XIRP2: variants seen among roughly 807,000 people sequenced by gnomAD.
The protein encoded by XIRP2 is xin actin binding repeat containing 2, also known as xin actin-binding repeat-containing protein 2.
In XIRP2, 236 loss-of-function variants were observed where a neutral mutation model predicts 277.0. The ratio of observed to expected loss-of-function variants is 0.85; its 90% confidence interval spans 0.77 to 0.95. The LOEUF (loss-of-function observed/expected upper bound fraction) is 0.95, where lower values mean the gene tolerates loss of function less well. Among genes scored for constraint, XIRP2 ranks in the 40% least tolerant of loss-of-function variants. The probability of loss-of-function intolerance (pLI) is 0.00; values close to 1 mark genes in which losing one functional copy is unlikely to be tolerated. For synonymous variants in XIRP2, 1,490 were observed against 1,416.5 expected, an observed-to-expected ratio of 1.05 and a Z score of -1.17; for missense variants, 4,640 against 4,157.5, an observed-to-expected ratio of 1.12 and a Z score of -3.19.
chr2:167,005,116 G>C (rs1162124584), intron 2 of XIRP2, among the ~76,000 whole-genome samples: 1 of 151,758 alleles, frequency 6.6e-6, no homozygotes, highest in Non-Finnish European at 1.5e-5. Flanking sequence ...CATACCTCTG[G>C]CATGATGCAT....
chr2:167,101,356 G>T (rs766121231), intron 2 of XIRP2, among the ~76,000 whole-genome samples: 42 of 152,120 alleles, frequency 2.8e-4, no homozygotes, highest in Non-Finnish European at 4.9e-4. Flanking sequence ...GGGGCAACAG[G>T]TGGTGTTTGG....
At chr2:167,066,265 C>A (rs559082461) in intron 2 of XIRP2, among the ~76,000 whole-genome samples, 1 of 151,904 alleles carries the variant, frequency 6.6e-6, no homozygotes, top group South Asian at 2.1e-4. Flanking sequence ...AACCACCATT[C>A]TAGTTGCTGC....
intron 2 of XIRP2, among the ~76,000 whole-genome samples, chr2:166,988,203 C>A (rs915329464): frequency 2.0e-5 from 3 of 152,146 alleles, no homozygotes; most frequent in African/African-American, 7.2e-5. Context: ...TCTAACATTA[C>A]CTCTGTTGTA....
rs1469865651 is a variant in XIRP2, at chr2:167,201,252, AAGAAAGAAAG to A, written c.563-9479_563-9470del. ...AAAGAAAGAAAGAAAGAAAGAAAGA[AAGAAAGAAAG>A]AGAGAGGGAGAAAGGAAAGAAGGAA... On this transcript the variant is annotated intron_variant, in intron 3 of 10. Coordinates refer to ENST00000409195, the MANE Select transcript of XIRP2 (RefSeq NM_152381.6). Among the ~76,000 whole-genome samples the A allele has an allele frequency of 1.7e-3, 125 of 71,760 alleles. 1 individual carries two copies. The highest frequency in any genetic ancestry group is 9.8e-3 in the African/African-American group (105 of 10,700). 47.1% of individuals were successfully genotyped at this position (71,760 alleles called of 152,430 possible).
chr2:166,892,433 G>A (rs773434886), intron 1 of XIRP2, among the ~76,000 whole-genome samples: 25 of 152,088 alleles, frequency 1.6e-4, no homozygotes, highest in Non-Finnish European at 2.8e-4. Context: ...CATGAAAAAA[G>A]TCAATTGCTT....
chr2:167,249,210 T>C lies in XIRP2; in HGVS notation c.7818T>C (p.Thr2606=), dbSNP rs747899039. The C allele has an allele frequency of 6.2e-7, 1 of 1,613,688 alleles. No homozygotes were observed. The highest frequency in any genetic ancestry group is 1.1e-5 in the South Asian group (1 of 91,072). The change falls in exon 9 of 11, where the codon ACT becomes ACC. Residue 2606 remains threonine, a synonymous_variant. Coordinates refer to ENST00000409195, the MANE Select transcript of XIRP2 (RefSeq NM_152381.6). The part of the protein sequence containing the change: ...VSLSGIDSEC[T]VVQPSPGSQS... ...TATCTGGAATTGATTCAGAATGCACTGTGGTTCAACCCAGCCCAGGCTCTC... is the reference window on the plus strand; with the variant it reads ...TATCTGGAATTGATTCAGAATGCACCGTGGTTCAACCCAGCCCAGGCTCTC...
intron 2 of XIRP2, among the ~76,000 whole-genome samples, chr2:167,081,973 T>A (rs1689749838): frequency 6.6e-6 from 1 of 152,000 alleles, no homozygotes; most frequent in Non-Finnish European, 1.5e-5. Flanking sequence ...TACTTTAAGT[T>A]TTAGGGTACA....
intron 2 of XIRP2, among the ~76,000 whole-genome samples, chr2:166,928,366 GT>G (rs1685243222): frequency 6.6e-6 from 1 of 152,074 alleles, no homozygotes. Flanking sequence ...AAGAATTTGG[GT>G]TATACCACAT....
At position 167,256,101 on chromosome 2, in the gene XIRP2, T is replaced by C. The variant is rs188387583; in HGVS notation, c.*40-1756T>C. 4.6e-5 allele frequency among the ~76,000 whole-genome samples: 7 copies of C among 151,880 alleles called. 1 individual carries two copies. The East Asian group carries it at 1.4e-3, about 30-fold the overall frequency. On this transcript the variant is annotated intron_variant, in intron 10 of 10. Transcript: ENST00000409195. ...GATTAGTTCTTGGCATTGGTCATTCTTCACTAGTGTCAGTTACCCAGTGTG... is the reference window on the plus strand; with the variant it reads ...GATTAGTTCTTGGCATTGGTCATTCCTCACTAGTGTCAGTTACCCAGTGTG...
intron 2 of XIRP2, among the ~76,000 whole-genome samples, chr2:166,948,580 A>G (rs949747893): frequency 2.0e-5 from 3 of 152,088 alleles, no homozygotes; most frequent in African/African-American, 7.2e-5. Context: ...CATTTCACAG[A>G]TAATGGTACT....
At chr2:167,159,703 TACTC>T (rs965618856) in intron 3 of XIRP2, among the ~76,000 whole-genome samples, 4 of 152,172 alleles carry the variant, frequency 2.6e-5, no homozygotes, top group African/African-American at 7.2e-5. Context: ...AAAAGGAACT[TACTC>T]ATATATTACA....
intron 2 of XIRP2, among the ~76,000 whole-genome samples, chr2:166,977,795 A>G (rs2105428761): frequency 6.6e-6 from 1 of 152,310 alleles, no homozygotes; most frequent in African/African-American, 2.4e-5. Context: ...GACCTGGTAC[A>G]GAAGATAGCA....
chr2:167,180,602 C>T (rs1692984269), intron 3 of XIRP2, among the ~76,000 whole-genome samples: 1 of 152,174 alleles, frequency 6.6e-6, no homozygotes, highest in Non-Finnish European at 1.5e-5. Context: ...TTCATAGAAG[C>T]TTCTCTCCCT....
chr2:167,259,532 T>A lies in XIRP2; in HGVS notation c.*1715T>A. ...ATTTCTTGTATTACACCTTGTCATT[T>A]TTTTCACAATTTATTTACATCTACT... On this transcript the variant is annotated 3_prime_UTR_variant, in exon 11 of 11. Coordinates refer to ENST00000409195, the MANE Select transcript of XIRP2 (RefSeq NM_152381.6). 1 of 589,106 alleles carries A rather than the reference T, an allele frequency of 1.7e-6. No individual in the cohort carries two copies. The highest frequency in any genetic ancestry group is 2.8e-6 in the Non-Finnish European group (1 of 359,716). The allele number at this position is 589,106 out of a possible 1,614,324, so 36.5% of individuals were successfully genotyped here. A position where few individuals can be genotyped will look rare whatever the true frequency, so the allele number is the denominator to read the frequency against.
At chr2:166,893,221 A>T (rs1684153747) in intron 1 of XIRP2, among the ~76,000 whole-genome samples, 1 of 152,004 alleles carries the variant, frequency 6.6e-6, no homozygotes, top group Non-Finnish European at 1.5e-5. Context: ...ATTCCAGAAA[A>T]ATCCATAATT....
chr2:167,146,140 T>C (rs189662870), intron 3 of XIRP2, among the ~76,000 whole-genome samples: 3 of 151,920 alleles, frequency 2.0e-5, no homozygotes, highest in South Asian at 2.1e-4. Flanking sequence ...ACAGCAGATA[T>C]GTTATACAAC....
chr2:167,190,040 C>G (rs80128417), intron 3 of XIRP2, among the ~76,000 whole-genome samples: 6,089 of 152,232 alleles, frequency 0.04, 132 homozygotes, highest in Non-Finnish European at 0.051. Context: ...ATTATAGAGG[C>G]TATAATTCAG....
chr2:166,889,002 G>A (rs1684028465), intron 1 of XIRP2, among the ~76,000 whole-genome samples: 1 of 152,064 alleles, frequency 6.6e-6, no homozygotes, highest in African/African-American at 2.4e-5. Flanking sequence ...GGTCAGAGAG[G>A]ACTCGCCAGG....
chr2:167,057,586 CA>C (rs1689068345), intron 2 of XIRP2, among the ~76,000 whole-genome samples: 1 of 152,140 alleles, frequency 6.6e-6, no homozygotes, highest in Non-Finnish European at 1.5e-5. Flanking sequence ...AAGGCTTAGG[CA>C]GCTGAAGAAG....
Sources: allele counts gnomAD v4.1 joint callset (sites outside exome capture counted in the v4.1 genomes callset), GRCh38; gene constraint gnomAD v4.1.1; transcripts MANE v1.5; gene names NCBI Gene and HGNC (gene_info 2026-07-23, HGNC 2026-07-21).